MGAT4C: variants seen among roughly 807,000 people sequenced by gnomAD.
The protein encoded by MGAT4C is alpha-1,3-mannosyl-glycoprotein 4-beta-N-acetylglucosaminyltransferase C.
A neutral mutation model predicts 40.1 loss-of-function variants in MGAT4C; 19 were observed. The observed-to-expected ratio is 0.47, with a 90% confidence interval of 0.33 to 0.70. The LOEUF is 0.70. MGAT4C is among the 30% of genes least tolerant of loss of function. The pLI, the probability that MGAT4C is intolerant of heterozygous loss-of-function variation, is 0.02. For synonymous variants in MGAT4C, 181 were observed against 187.1 expected (o/e 0.97, Z 0.27); for missense variants, 491 against 563.2 (o/e 0.87, Z 1.30).
rs112334319 is a variant in MGAT4C, at chr12:86,468,224, A to G, written c.-228-32959T>C. On this transcript the variant is annotated intron_variant, in intron 2 of 7. Transcript: ENST00000548651. ...CACAACCATCCCCATGTTCATTGAC[A>G]ATAACTCCATCCTTCTAGTTTTTCT... Among the ~76,000 whole-genome samples the G allele has an allele frequency of 3.4e-3, 518 of 152,264 alleles. 4 individuals carry two copies. The highest frequency in any genetic ancestry group is 0.012 in the African/African-American group (502 of 41,574).
chr12:86,317,688 T>C (rs1954276817), intron 4 of MGAT4C, among the ~76,000 whole-genome samples: 1 of 151,950 alleles, frequency 6.6e-6, no homozygotes, highest in Non-Finnish European at 1.5e-5. Flanking sequence ...GTGTGGAGTA[T>C]GAGGCAACTT....
rs76381099 is a variant in MGAT4C at position 86,161,650 on chromosome 12, C to T, written c.-57+94589G>A. 6.4e-3 allele frequency among the ~76,000 whole-genome samples: 967 copies of T among 152,166 alleles called. 6 individuals are homozygous for T. Among genetic ancestry groups the T allele is most frequent in the African/African-American group, 0.022 (925 of 41,542 alleles). On this transcript the variant is annotated intron_variant, in intron 1 of 4. Transcript: ENST00000611864. ...ATCAATTGCAATAAAAACAAATAGA[C>T]AAGTGGGACCTAATTAAACTAAAGA... is the stretch of plus-strand genomic sequence containing the variant.
intron 4 of MGAT4C, among the ~76,000 whole-genome samples, chr12:86,330,378 G>C (rs4526834): frequency 6.6e-6 from 1 of 152,026 alleles, no homozygotes; most frequent in East Asian, 1.9e-4. Context: ...ATTGCTGAAG[G>C]CTCCTGTGTC....
intron 2 of MGAT4C, among the ~76,000 whole-genome samples, chr12:86,678,909 T>G (rs892697448): frequency 4.6e-5 from 7 of 152,118 alleles, no homozygotes; most frequent in African/African-American, 1.2e-4. Context: ...TGTGTCTTTA[T>G]AGCAGCATGA....
chr12:86,689,201 T>G (rs969903295), intron 2 of MGAT4C, among the ~76,000 whole-genome samples: 13 of 152,224 alleles, frequency 8.5e-5, no homozygotes, highest in Non-Finnish European at 1.5e-4. Flanking sequence ...TCAAGTCATT[T>G]ATATTCTTCT....
chr12:86,327,891 A>G (rs1566292041), intron 4 of MGAT4C, among the ~76,000 whole-genome samples: 1 of 152,080 alleles, frequency 6.6e-6, no homozygotes, highest in East Asian at 1.9e-4. Flanking sequence ...ATCTTTCCCC[A>G]CTGACAGCTT....
intron 2 of MGAT4C, among the ~76,000 whole-genome samples, chr12:86,490,236 C>G (rs953897359): frequency 7.2e-5 from 11 of 152,048 alleles, no homozygotes; most frequent in Admixed American, 7.2e-4. Flanking sequence ...CGGCAGAAAC[C>G]CTACAAGCCA....
At chr12:86,395,072 A>T (rs139323704) in intron 3 of MGAT4C, among the ~76,000 whole-genome samples, 3 of 152,282 alleles carry the variant, frequency 2.0e-5, no homozygotes, top group African/African-American at 7.2e-5. Flanking sequence ...GCATAAAAAA[A>T]ATGGTCTTGA....
chr12:86,795,958 C>G (rs761864233), intron 1 of MGAT4C, among the ~76,000 whole-genome samples: 5 of 151,904 alleles, frequency 3.3e-5, no homozygotes, highest in Non-Finnish European at 7.4e-5. Flanking sequence ...AAGAGAGCAA[C>G]GTAAGACTGG....
chr12:86,649,154 T>C (rs1963627327), intron 2 of MGAT4C, among the ~76,000 whole-genome samples: 1 of 151,842 alleles, frequency 6.6e-6, no homozygotes, highest in Non-Finnish European at 1.5e-5. Flanking sequence ...TAAGCATTTT[T>C]TGAGAACCTA....
intron 2 of MGAT4C, among the ~76,000 whole-genome samples, chr12:86,702,095 T>A (rs1950372908): frequency 6.6e-6 from 1 of 152,056 alleles, no homozygotes; most frequent in Admixed American, 6.6e-5. Flanking sequence ...TGACCACAGC[T>A]CATACAGCCT....
At chr12:86,640,940 T>C (rs553713711) in intron 2 of MGAT4C, among the ~76,000 whole-genome samples, 78 of 152,060 alleles carry the variant, frequency 5.1e-4, no homozygotes, top group Admixed American at 9.2e-4. Flanking sequence ...TCCTAAGTTC[T>C]AGTTTGATTG....
At chr12:86,831,951 G>A (rs2136236864) in intron 1 of MGAT4C, among the ~76,000 whole-genome samples, 1 of 151,860 alleles carries the variant, frequency 6.6e-6, no homozygotes, top group Non-Finnish European at 1.5e-5. Flanking sequence ...ATTCTGTTGT[G>A]AAAATGAGGT....
intron 1 of MGAT4C, among the ~76,000 whole-genome samples, chr12:86,101,792 A>G (rs1044863399): frequency 6.6e-6 from 1 of 151,926 alleles, no homozygotes; most frequent in African/African-American, 2.4e-5. Context: ...CTACCAACTG[A>G]CTTTGAATTT....
intron 2 of MGAT4C, among the ~76,000 whole-genome samples, chr12:86,033,116 G>A (rs562730233): frequency 6.7e-6 from 1 of 149,376 alleles, no homozygotes; most frequent in African/African-American, 2.4e-5. Flanking sequence ...TCTGTTCCTT[G>A]GTCTATGTGT....
intron 1 of MGAT4C, among the ~76,000 whole-genome samples, chr12:86,739,162 A>AAAAAAAAAAAAAC (rs1951028342): frequency 7.0e-6 from 1 of 143,794 alleles, no homozygotes; most frequent in African/African-American, 2.5e-5. Context: ...AAAAAAAAAA[A>AAAAAAAAAAAAAC]ATCTATGTTA....
intron 2 of MGAT4C, among the ~76,000 whole-genome samples, chr12:86,578,498 G>A (rs1046740129): frequency 2.0e-5 from 3 of 151,640 alleles, no homozygotes; most frequent in Non-Finnish European, 3.0e-5. Flanking sequence ...ATCAGGTCCC[G>A]GGCTTTTCTT....
intron 2 of MGAT4C, among the ~76,000 whole-genome samples, chr12:86,617,189 A>G (rs1962479005): frequency 6.6e-6 from 1 of 152,202 alleles, no homozygotes; most frequent in Non-Finnish European, 1.5e-5. Context: ...TTTCTCTACA[A>G]ACTGACCTAA....
chr12:86,801,047 C>T (rs1952216505), intron 1 of MGAT4C, among the ~76,000 whole-genome samples: 2 of 152,042 alleles, frequency 1.3e-5, no homozygotes, highest in South Asian at 4.1e-4. Flanking sequence ...ACCTTGACCT[C>T]CAGCCTTGAT....
Sources: gnomAD v4.1 joint callset for allele counts (sites outside exome capture counted in the v4.1 genomes callset) on GRCh38, gnomAD v4.1.1 for gene constraint, MANE v1.5 for transcripts, NCBI Gene and HGNC (gene_info 2026-07-23, HGNC 2026-07-21) for gene names.